DIPK2B: variants seen among roughly 807,000 people sequenced by gnomAD.
The protein encoded by DIPK2B is UPF0672 protein CXorf36.
In DIPK2B, 15 loss-of-function variants were observed where a neutral mutation model predicts 22.2. That is an observed-to-expected ratio of 0.68 (90% CI 0.45 to 1.04). The LOEUF (loss-of-function observed/expected upper bound fraction) is 1.04. Ranked by LOEUF, DIPK2B falls within the 50% of genes least tolerant of loss-of-function variation. DIPK2B has a pLI of 0.00. For missense variants in DIPK2B, 345 were observed against 348.3 expected, an observed-to-expected ratio of 0.99 and a Z score of 0.08; for synonymous variants, 163 against 153.2, an observed-to-expected ratio of 1.06 and a Z score of -0.47.
At chrX:45,177,583 A>G (rs756730192) in intron 2 of DIPK2B, among the ~76,000 whole-genome samples, 27 of 111,147 alleles carry the variant, frequency 2.4e-4, no homozygotes, top group East Asian at 2.0e-3. Flanking sequence ...AGGCCCCACC[A>G]GAAGCAGATG....
chrX:45,197,381 G>A (rs774009745), intron 1 of DIPK2B, among the ~76,000 whole-genome samples: 21 of 111,426 alleles, frequency 1.9e-4, no homozygotes, highest in Non-Finnish European at 3.6e-4. Flanking sequence ...GGGACTATAG[G>A]CGTGCGCCGC....
rs755721008 is a variant in DIPK2B at position 45,151,154 on chromosome X, G to A, written c.*498C>T. 2 of 114,377 alleles carry A rather than the reference G, an allele frequency of 1.7e-5. No homozygotes were observed. Among genetic ancestry groups the A allele is most frequent in the South Asian group, 3.7e-4 (1 of 2,707 alleles). 9.4% of individuals were successfully genotyped at this position (114,377 alleles called of 1,213,427 possible). A position where few individuals can be genotyped will look rare whatever the true frequency, so the allele number is the denominator to read the frequency against. On this transcript the variant is annotated 3_prime_UTR_variant, in exon 5 of 5. Coordinates refer to ENST00000398000, the MANE Select transcript of DIPK2B (RefSeq NM_176819.4). The stretch of plus-strand genomic sequence containing the variant: ...AGCAGGAAGGGGGCCCCTCTTGTCC[G>A]AGTCTAAAGTGGTAGTGGCAGGGAG...
intron 2 of DIPK2B, among the ~76,000 whole-genome samples, chrX:45,180,409 C>A (rs1306402913): frequency 9.0e-6 from 1 of 111,642 alleles, no homozygotes; most frequent in Admixed American, 9.5e-5. Context: ...GTCTCACATA[C>A]AGAATTCTTT....
At chrX:45,180,421 T>C (rs1391999499) in intron 2 of DIPK2B, among the ~76,000 whole-genome samples, 2 of 111,731 alleles carry the variant, frequency 1.8e-5, no homozygotes, top group East Asian at 5.6e-4. Context: ...GAATTCTTTT[T>C]CTCTAAAGTT....
chrX:45,165,136 A>G (rs777626159), intron 2 of DIPK2B, among the ~76,000 whole-genome samples: 3 of 111,051 alleles, frequency 2.7e-5, no homozygotes, highest in Non-Finnish European at 5.7e-5. Context: ...GGATTTAGAC[A>G]GATAACATGG....
chrX:45,185,214 G>A (rs1365603882), intron 2 of DIPK2B, among the ~76,000 whole-genome samples: 1 of 111,905 alleles, frequency 8.9e-6, no homozygotes, highest in African/African-American at 3.3e-5. Context: ...TTCCTTCATA[G>A]CATGTGGACA....
intron 2 of DIPK2B, among the ~76,000 whole-genome samples, chrX:45,185,367 A>T (rs907550578): frequency 9.0e-6 from 1 of 111,473 alleles, no homozygotes; most frequent in Non-Finnish European, 1.9e-5. Context: ...TTGATTTTTT[A>T]AAAAAGGGGC....
At chrX:45,198,034 T>C in intron 1 of DIPK2B, among the ~76,000 whole-genome samples, 1 of 112,695 alleles carries the variant, frequency 8.9e-6, no homozygotes, top group Non-Finnish European at 1.9e-5. Context: ...TTGAATACCA[T>C]GAACCTGTTA....
At position 45,151,862 on chromosome X, in the gene DIPK2B, C is replaced by G; in HGVS notation, c.1092G>C (p.Lys364Asn). The G allele has an allele frequency of 8.3e-7, 1 of 1,211,460 alleles. No homozygotes were observed. The highest frequency in any genetic ancestry group is 1.8e-5 in the South Asian group (1 of 56,858). Residue 364 changes from lysine (K) to asparagine (N), a missense_variant, in exon 5 of 5, where the codon AAG becomes AAC. By Grantham distance (94) the Lys-to-Asn change is moderately conservative (BLOSUM62 0). Transcript: ENST00000398000. Reference sequence around the variant, plus strand: ...TCCCCTGGAGAAGTCGAGGCAGCAACTTCTGACACACCAGCACCAGGCTCT... The same window carrying G: ...TCCCCTGGAGAAGTCGAGGCAGCAAGTTCTGACACACCAGCACCAGGCTCT... ...EKQSLVLVCQ[K>N]LLPRLLQGRF... is the part of the protein sequence containing the mutation.
intron 2 of DIPK2B, among the ~76,000 whole-genome samples, chrX:45,179,759 A>T (rs1272987861): frequency 8.9e-6 from 1 of 112,023 alleles, no homozygotes; most frequent in African/African-American, 3.2e-5. Flanking sequence ...TAATTGAAAA[A>T]AATACTAGAA....
chrX:45,185,337 T>A (rs2047176322), intron 2 of DIPK2B, among the ~76,000 whole-genome samples: 1 of 111,910 alleles, frequency 8.9e-6, no homozygotes, highest in African/African-American at 3.3e-5. Flanking sequence ...AAGGAAGAAT[T>A]GTATAGAACA....
In DIPK2B at chrX:45,154,312, T is replaced by TATCTATC. The variant is rs1556394833; in HGVS notation, c.673-121_673-115dup. The TATCTATC allele has an allele frequency of 2.6e-5, 16 of 623,397 alleles. No individual in the cohort carries two copies. The African/African-American group carries it at 2.9e-4, about 11-fold the overall frequency. The allele number at this position is 623,397 out of a possible 1,213,427, so 51.4% of individuals were successfully genotyped here. On this transcript the variant is annotated intron_variant, in intron 3 of 4. Transcript: ENST00000398000. ...CTATCTATCTATCTATCTATCTATCTATCTATCTGTCTATCTATATCAATC... is the reference window on the plus strand; with the variant it reads ...CTATCTATCTATCTATCTATCTATCTATCTATCATCTATCTGTCTATCTATATCAATC...
At position 45,151,425 on chromosome X, in the gene DIPK2B, C is replaced by T. The variant is rs185694549; in HGVS notation, c.*227G>A. ...CTGAGGCTCAAAGACATTGAGTGAG[C>T]GTCCACACCCAGGTCTTCTGATGCC... On this transcript the variant is annotated 3_prime_UTR_variant, in exon 5 of 5. Coordinates refer to ENST00000398000, the MANE Select transcript of DIPK2B (RefSeq NM_176819.4). The T allele has an allele frequency of 7.0e-4, 297 of 422,019 alleles. 2 individuals are homozygous for T. In the East Asian group the frequency reaches 0.011, roughly 15 times the overall value. The allele number at this position is 422,019 out of a possible 1,213,427, so 34.8% of individuals were successfully genotyped here.
At chrX:45,166,209 A>G (rs1322762125) in intron 2 of DIPK2B, among the ~76,000 whole-genome samples, 2 of 111,662 alleles carry the variant, frequency 1.8e-5, no homozygotes, top group African/African-American at 6.5e-5. Context: ...GGCCCATGAA[A>G]CAGTGACCGA....
chrX:45,154,515 C>T (rs1329218955), intron 3 of DIPK2B, among the ~76,000 whole-genome samples: 1 of 110,766 alleles, frequency 9.0e-6, no homozygotes, highest in African/African-American at 3.3e-5. Flanking sequence ...TGGCAATGCC[C>T]CATCCCTCCC....
chrX:45,189,586 C>T (rs756314787), intron 2 of DIPK2B, among the ~76,000 whole-genome samples: 17 of 107,774 alleles, frequency 1.6e-4, no homozygotes, highest in African/African-American at 4.1e-4. Flanking sequence ...GCACTCCAGC[C>T]GGGGTGACAA....
intron 2 of DIPK2B, among the ~76,000 whole-genome samples, chrX:45,165,988 T>C (rs1371419337): frequency 8.9e-6 from 1 of 112,084 alleles, no homozygotes; most frequent in African/African-American, 3.2e-5. Flanking sequence ...TCCCCTTCCA[T>C]GGCCACTTGC....
At chrX:45,197,156 G>A (rs2047243132) in intron 1 of DIPK2B, among the ~76,000 whole-genome samples, 1 of 110,089 alleles carries the variant, frequency 9.1e-6, no homozygotes, top group Non-Finnish European at 1.9e-5. Flanking sequence ...TGAGAGTTTT[G>A]GATGGGCTTT....
intron 3 of DIPK2B, among the ~76,000 whole-genome samples, chrX:45,155,961 CTTTTTTTTT>C (rs757375184): frequency 5.4e-5 from 3 of 55,255 alleles, no homozygotes; most frequent in African/African-American, 2.2e-4. Flanking sequence ...AAGGGGACCT[CTTTTTTTTT>C]TTTTTTTTTT....
Sources: allele counts gnomAD v4.1 joint callset (sites outside exome capture counted in the v4.1 genomes callset), GRCh38; gene constraint gnomAD v4.1.1; transcripts MANE v1.5; gene names NCBI Gene and HGNC (gene_info 2026-07-23, HGNC 2026-07-21).